UTRN: variants seen among roughly 807,000 people sequenced by gnomAD.
UTRN encodes the protein utrophin.
In UTRN, 283 loss-of-function variants were observed where a neutral mutation model predicts 463.9. The observed-to-expected ratio is 0.61, with a 90% CI of 0.55 to 0.67. The LOEUF (loss-of-function observed/expected upper bound fraction) is 0.67. Among genes scored for constraint, UTRN ranks in the 30% least tolerant of loss-of-function variants. UTRN has a pLI of 0.00. For synonymous variants in UTRN, 1,442 were observed against 1,431.5 expected (o/e 1.01, Z -0.17); for missense variants, 3,922 against 4,084.3 (o/e 0.96, Z 1.08).
chr6:144,577,132 G>A lies in UTRN; in HGVS notation c.7323G>A (p.Glu2441=). The A allele has an allele frequency of 3.7e-6, 6 of 1,613,872 alleles. No homozygotes were observed. The highest frequency in any genetic ancestry group is 5.1e-6 in the Non-Finnish European group (6 of 1,179,862). The change falls in exon 51 of 75, where the codon GAG becomes GAA. Residue 2441 remains glutamate (E), a synonymous_variant. Coordinates refer to ENST00000367545, the MANE Select transcript of UTRN (RefSeq NM_007124.3). ...ACAGACAGAACGCCTTGGAGGCTGA[G>A]TGGAGGACGGTGCAGGCCTCTCGCA... ...IADRQNALEA[E]WRTVQASRRD...
Position 144,448,837 on chromosome 6 carries a change from T to A in UTRN, c.2072+68T>A, listed in dbSNP as rs1045305708. ...TACTATATTTTCTACTTGGTGCCTA[T>A]TTTGTACTAATCATTAATCATAGGC... On this transcript the variant is annotated intron_variant, in intron 17 of 74. Coordinates refer to ENST00000367545, the MANE Select transcript of UTRN (RefSeq NM_007124.3). The A allele has an allele frequency of 1.8e-5, 28 of 1,525,282 alleles. 1 individual carries two copies. In the South Asian group the frequency reaches 3.4e-4, roughly 19 times the overall value. The allele number at this position is 1,525,282 out of a possible 1,614,324, so 94.5% of individuals were successfully genotyped here.
intron 54 of UTRN, among the ~76,000 whole-genome samples, chr6:144,744,322 G>A (rs372439221): frequency 5.8e-3 from 392 of 67,996 alleles, no homozygotes; most frequent in Non-Finnish European, 6.5e-3. Flanking sequence ...ATATATATAT[G>A]TGTGTGTGTG....
chr6:144,773,828 G>T (rs189372057), intron 59 of UTRN, among the ~76,000 whole-genome samples: 1 of 152,322 alleles, frequency 6.6e-6, no homozygotes, highest in Admixed American at 6.5e-5. Context: ...GGGAGAAGGT[G>T]ACAGTGAACT....
intron 19 of UTRN, among the ~76,000 whole-genome samples, chr6:144,456,892 A>T (rs189555365): frequency 1.4e-4 from 21 of 152,138 alleles, no homozygotes; most frequent in African/African-American, 4.8e-4. Context: ...TGAAGGTCCT[A>T]TGTTTTGTAA....
intron 51 of UTRN, among the ~76,000 whole-genome samples, chr6:144,589,408 A>G (rs1802784650): frequency 6.6e-6 from 1 of 152,194 alleles, no homozygotes; most frequent in African/African-American, 2.4e-5. Context: ...ATAGATAGGA[A>G]AGAAATTTGT....
At chr6:144,583,332 CT>C (rs2128627758) in intron 51 of UTRN, 1 of 440,634 alleles carries the variant, frequency 2.3e-6, no homozygotes, top group South Asian at 7.0e-5. Flanking sequence ...GAATACCAGC[CT>C]CCTTTTTCCT....
At chr6:144,626,621 T>C (rs1242456084) in intron 51 of UTRN, among the ~76,000 whole-genome samples, 3 of 152,228 alleles carry the variant, frequency 2.0e-5, no homozygotes. Context: ...GCTGCCTCTG[T>C]AGCAAGTTTG....
At chr6:144,670,582 G>C (rs897011252) in intron 51 of UTRN, among the ~76,000 whole-genome samples, 4 of 151,836 alleles carry the variant, frequency 2.6e-5, no homozygotes, top group Non-Finnish European at 5.9e-5. Context: ...TGACTCTATG[G>C]GCTGTCCATT....
At chr6:144,850,889 C>T in intron 74 of UTRN, 100 bp from the exon 75 acceptor site, 17 of 1,525,400 alleles carry the variant, frequency 1.1e-5, no homozygotes, top group Non-Finnish European at 1.5e-5. Flanking sequence ...AGTTAAGACT[C>T]TTGAAAGAAG....
chr6:144,575,492 C>T (rs908742476), intron 50 of UTRN, among the ~76,000 whole-genome samples: 2 of 152,076 alleles, frequency 1.3e-5, no homozygotes, highest in South Asian at 2.1e-4. Context: ...ATACAGTAGT[C>T]CCCCCTTATC....
At chr6:144,773,718 G>A (rs918758205) in intron 59 of UTRN, among the ~76,000 whole-genome samples, 1 of 152,228 alleles carries the variant, frequency 6.6e-6, no homozygotes, top group African/African-American at 2.4e-5. Context: ...GGGAATTCCA[G>A]CAAGGCCTAT....
At chr6:144,489,981 T>C in intron 30 of UTRN, 90 bp from the exon 31 acceptor site, 1 of 1,520,230 alleles carries the variant, frequency 6.6e-7, no homozygotes, top group East Asian at 2.3e-5. Context: ...TATCATGTAT[T>C]ACACAACGAT....
At chr6:144,487,019 T>C (rs1271805977) in intron 28 of UTRN, among the ~76,000 whole-genome samples, 1 of 152,246 alleles carries the variant, frequency 6.6e-6, no homozygotes, top group Non-Finnish European at 1.5e-5. Flanking sequence ...TTATTCTGCA[T>C]ATATTGTAGG....
chr6:144,681,985 A>G (rs1369017035), intron 52 of UTRN, among the ~76,000 whole-genome samples: 1 of 152,226 alleles, frequency 6.6e-6, no homozygotes, highest in African/African-American at 2.4e-5. Context: ...TGTGTTACAA[A>G]CAATCCAATT....
intron 51 of UTRN, among the ~76,000 whole-genome samples, chr6:144,623,885 G>A (rs915948964): frequency 4.6e-5 from 7 of 152,070 alleles, no homozygotes; most frequent in African/African-American, 7.2e-5. Context: ...TTGAATTTTG[G>A]AATTTTAGAG....
At chr6:144,690,925 G>T (rs1318579337) in intron 52 of UTRN, among the ~76,000 whole-genome samples, 2 of 152,154 alleles carry the variant, frequency 1.3e-5, no homozygotes, top group African/African-American at 2.4e-5. Context: ...CTTTCAAAGG[G>T]TCTGTGGTGT....
chr6:144,401,095 C>G (rs1343281364), intron 2 of UTRN, among the ~76,000 whole-genome samples: 1 of 152,116 alleles, frequency 6.6e-6, no homozygotes, highest in African/African-American at 2.4e-5. Flanking sequence ...TAAGATTTCT[C>G]TCTTAGAATT....
intron 65 of UTRN, among the ~76,000 whole-genome samples, chr6:144,804,906 A>G (rs1778011081): frequency 6.6e-6 from 1 of 152,182 alleles, no homozygotes; most frequent in Admixed American, 6.5e-5. Context: ...GGCTAGAGTG[A>G]ACAGTAAATT....
rs115755642 is a variant in UTRN at position 144,514,729 on chromosome 6, G to A, written c.5153G>A (p.Arg1718His). The A allele has an allele frequency of 4.6e-5, 74 of 1,614,118 alleles. No homozygotes were observed. The highest frequency in any genetic ancestry group is 1.6e-4 in the Middle Eastern group (1 of 6,062). The change falls in exon 37 of 75, where the codon CGT becomes CAT. Residue 1718 changes from arginine to histidine, a missense_variant. Around this residue, in one of 3 missense-constraint regions of UTRN, gnomAD observed 2,349 missense variants for 2,303.8 expected, o/e 1.02. Coordinates refer to ENST00000367545, the MANE Select transcript of UTRN (RefSeq NM_007124.3). ...CAAGCCCTTATTTTGATGAATGCCC[G>A]TGGAAGCTCAAGCAGGGAGCTTGTA... Reference protein sequence around the residue: ...RDQALILMNARGSSSRELVEP... With the variant: ...RDQALILMNAHGSSSRELVEP...
Sources: allele counts gnomAD v4.1 joint callset (sites outside exome capture counted in the v4.1 genomes callset), GRCh38; gene constraint gnomAD v4.1.1; regional missense constraint gnomAD v4.1.1; transcripts MANE v1.5; gene names NCBI Gene and HGNC (gene_info 2026-07-23, HGNC 2026-07-21).